The following SLIT3 variants were observed in gnomAD, a reference collection of about 807,000 sequenced individuals.
SLIT3 encodes slit homolog 3 protein.
In SLIT3, 68 loss-of-function variants were observed where a neutral mutation model predicts 184.0. That is an observed-to-expected ratio of 0.37 (90% CI 0.30 to 0.45). The LOEUF is 0.45. Among genes scored for constraint, SLIT3 ranks in the 20% least tolerant of loss-of-function variants. The pLI is 1.00. For synonymous variants in SLIT3, 831 were observed against 828.6 expected (o/e 1.00, Z -0.05); for missense variants, 1,707 against 2,026.0 (o/e 0.84, Z 3.02).
intron 20 of SLIT3, among the ~76,000 whole-genome samples, chr5:168,740,644 C>T (rs73324031): frequency 0.02 from 3,035 of 152,254 alleles, 98 homozygotes; most frequent in African/African-American, 0.069. Context: ...TGCTTACCCC[C>T]AACCCTCCAC....
At chr5:169,104,361 C>T (rs1729574761) in intron 4 of SLIT3, among the ~76,000 whole-genome samples, 1 of 152,184 alleles carries the variant, frequency 6.6e-6, no homozygotes, top group Non-Finnish European at 1.5e-5. Flanking sequence ...GCAGAGGAAG[C>T]GTACGCTCAG....
chr5:168,685,953 G>A, intron 30 of SLIT3, 26 bp from the exon 31 acceptor site: 1 of 1,584,882 alleles, frequency 6.3e-7, no homozygotes, highest in Admixed American at 1.7e-5. Context: ...GAATGGGGAG[G>A]GAGATAGGAG....
At chr5:168,784,426 G>A (rs1230312122) in intron 12 of SLIT3, among the ~76,000 whole-genome samples, 3 of 152,150 alleles carry the variant, frequency 2.0e-5, no homozygotes, top group East Asian at 1.9e-4. Context: ...ACAGAGATGG[G>A]GGAGATGCAG....
At chr5:169,006,200 C>A (rs1755920004) in intron 4 of SLIT3, among the ~76,000 whole-genome samples, 1 of 152,240 alleles carries the variant, frequency 6.6e-6, no homozygotes, top group African/African-American at 2.4e-5. Context: ...AACTACCAAC[C>A]AGCCTGGCCA....
chr5:168,673,152 A>T, intron 33 of SLIT3, 25 bp downstream of exon 33: 1 of 1,611,398 alleles, frequency 6.2e-7, no homozygotes, highest in Non-Finnish European at 8.5e-7. Flanking sequence ...AGGGAGGTAG[A>T]GGTGGTAGGG....
chr5:169,215,692 C>T (rs4868390), intron 3 of SLIT3, among the ~76,000 whole-genome samples: 36,378 of 152,154 alleles, frequency 0.24, 5,282 homozygotes, highest in Non-Finnish European at 0.34. Flanking sequence ...GATCAGAATG[C>T]TTTGTACATC....
intron 4 of SLIT3, chr5:169,012,092 G>C (rs1019696333): frequency 2.6e-5 from 4 of 152,038 alleles, no homozygotes; most frequent in African/African-American, 9.7e-5. Context: ...CATTGTTGAT[G>C]AAAGCCATTT....
At chr5:168,937,007 C>A (rs2113189723) in intron 4 of SLIT3, among the ~76,000 whole-genome samples, 1 of 152,154 alleles carries the variant, frequency 6.6e-6, no homozygotes, top group African/African-American at 2.4e-5. Flanking sequence ...TCACACAAGG[C>A]AGTGTATATG....
chr5:168,935,706 A>T (rs758295635), intron 4 of SLIT3, among the ~76,000 whole-genome samples: 8 of 152,236 alleles, frequency 5.3e-5, no homozygotes, highest in Non-Finnish European at 1.0e-4. Context: ...ATAGGGATAT[A>T]TAGGATTACA....
At chr5:168,670,182 C>T (rs1490562878) in intron 34 of SLIT3, among the ~76,000 whole-genome samples, 191 bp from the exon 35 acceptor site, 4 of 152,210 alleles carry the variant, frequency 2.6e-5, no homozygotes, top group Non-Finnish European at 1.5e-5. Context: ...CAGAAGCCTG[C>T]GAGTGTCACC....
chr5:169,076,107 G>A (rs942607063), intron 4 of SLIT3, among the ~76,000 whole-genome samples: 2 of 152,226 alleles, frequency 1.3e-5, no homozygotes, highest in African/African-American at 4.8e-5. Context: ...CCTCAGGGGG[G>A]TTTCATTCTG....
intron 3 of SLIT3, among the ~76,000 whole-genome samples, chr5:169,243,841 C>T (rs1395647324): frequency 1.3e-5 from 2 of 152,186 alleles, no homozygotes; most frequent in African/African-American, 2.4e-5. Flanking sequence ...GTCAGGGCAA[C>T]CAAGATTCAG....
chr5:168,886,426 A>G (rs7707709), intron 4 of SLIT3, among the ~76,000 whole-genome samples: 67,981 of 151,908 alleles, frequency 0.45, 16,435 homozygotes, highest in East Asian at 0.7. Context: ...TGGAGCTATC[A>G]TTAAGTACTA....
chr5:168,991,087 G>A (rs1755308328), intron 4 of SLIT3, among the ~76,000 whole-genome samples: 1 of 152,208 alleles, frequency 6.6e-6, no homozygotes, highest in South Asian at 2.1e-4. Context: ...GCACCGCTGG[G>A]AGGTGCTCTT....
intron 23 of SLIT3, among the ~76,000 whole-genome samples, chr5:168,714,764 T>G (rs1762666905): frequency 6.6e-6 from 1 of 152,076 alleles, no homozygotes. Flanking sequence ...CTCCTTCCCC[T>G]TTCTCCTCCC....
chr5:168,776,666 C>A (rs61065269), intron 12 of SLIT3, among the ~76,000 whole-genome samples: 1 of 152,086 alleles, frequency 6.6e-6, no homozygotes, highest in Non-Finnish European at 1.5e-5. Flanking sequence ...ATCCCTCCCC[C>A]CTGCAAATTC....
intron 8 of SLIT3, 107 bp from the exon 9 acceptor site, chr5:168,806,694 C>T (rs1756976018): frequency 7.7e-7 from 1 of 1,296,868 alleles, no homozygotes; most frequent in Non-Finnish European, 1.1e-6. Flanking sequence ...TGACAGCCAT[C>T]TGAGAAATGA....
rs1765483001 is a variant in SLIT3, at chr5:169,243,742, A to T, written c.341+963T>A. Among the ~76,000 whole-genome samples, 3 of 152,242 alleles carry T rather than the reference A, an allele frequency of 2.0e-5. No homozygotes were observed. In the South Asian group the frequency reaches 6.2e-4, roughly 32 times the overall value. On this transcript the variant is annotated intron_variant, in intron 3 of 35. Coordinates refer to ENST00000519560, the MANE Select transcript of SLIT3 (RefSeq NM_003062.4). ...AATGAGATTTGGCAACCAGACAGGTAAACAGAACACAGTTCTTCTAGGGAA... is the reference window on the plus strand; with the variant it reads ...AATGAGATTTGGCAACCAGACAGGTTAACAGAACACAGTTCTTCTAGGGAA...
At chr5:168,789,859 T>C (rs1756296274) in intron 10 of SLIT3, 3 of 512,270 alleles carry the variant, frequency 5.9e-6, no homozygotes, top group Non-Finnish European at 1.0e-5. Flanking sequence ...TTTCAAAGAA[T>C]ACTCACCCGT....
Sources: gnomAD v4.1 joint callset for allele counts (sites outside exome capture counted in the v4.1 genomes callset) on GRCh38, gnomAD v4.1.1 for gene constraint, MANE v1.5 for transcripts, NCBI Gene and HGNC (gene_info 2026-07-23, HGNC 2026-07-21) for gene names.